MARCHF1: variants seen among roughly 807,000 people sequenced by gnomAD.
The protein encoded by MARCHF1 is E3 ubiquitin-protein ligase MARCHF1.
In MARCHF1, 40 loss-of-function variants were observed where a neutral mutation model predicts 54.2. The ratio of observed to expected loss-of-function variants is 0.74; its 90% CI spans 0.57 to 0.96. The LOEUF is 0.96. MARCHF1 is among the 40% of genes least tolerant of loss of function. MARCHF1 has a pLI of 0.00. For synonymous variants in MARCHF1, 236 were observed against 236.3 expected (o/e 1.00, Z 0.01); for missense variants, 586 against 656.5 (o/e 0.89, Z 1.17).
intron 1 of MARCHF1, among the ~76,000 whole-genome samples, chr4:164,309,306 T>C (rs1022573275): frequency 2.0e-5 from 3 of 151,944 alleles, no homozygotes; most frequent in East Asian, 1.9e-4. Context: ...CTGTGTGTTA[T>C]TGTGGCTTTC....
At chr4:164,042,068 T>A (rs895366221) in intron 2 of MARCHF1, among the ~76,000 whole-genome samples, 1 of 152,168 alleles carries the variant, frequency 6.6e-6, no homozygotes, top group African/African-American at 2.4e-5. Flanking sequence ...CCAACAATAT[T>A]CGATTTACTT....
chr4:163,913,795 A>G (rs1160429114), intron 3 of MARCHF1, among the ~76,000 whole-genome samples: 1 of 152,044 alleles, frequency 6.6e-6, no homozygotes, highest in Non-Finnish European at 1.5e-5. Flanking sequence ...ACTGTCACCA[A>G]TTGTAACTGC....
chr4:164,322,902 T>C (rs571760445), intron 1 of MARCHF1, among the ~76,000 whole-genome samples: 1 of 151,936 alleles, frequency 6.6e-6, no homozygotes, highest in African/African-American at 2.4e-5. Context: ...AACTTGAAGA[T>C]ACCTAAATAT....
intron 3 of MARCHF1, among the ~76,000 whole-genome samples, chr4:163,956,557 C>G (rs1023119894): frequency 6.6e-6 from 1 of 151,868 alleles, no homozygotes; most frequent in African/African-American, 2.4e-5. Context: ...AAAGATGATA[C>G]CAGGTGGAAC....
At chr4:163,804,609 T>C (rs1483786511) in intron 4 of MARCHF1, among the ~76,000 whole-genome samples, 2 of 152,180 alleles carry the variant, frequency 1.3e-5, no homozygotes, top group African/African-American at 4.8e-5. Context: ...GTTTGTCACC[T>C]CTTGTGAGAA....
At chr4:164,023,407 C>G (rs909619068) in intron 2 of MARCHF1, among the ~76,000 whole-genome samples, 2 of 152,178 alleles carry the variant, frequency 1.3e-5, no homozygotes, top group African/African-American at 4.8e-5. Context: ...AAGACCCCCT[C>G]TGCTGGCCAT....
chr4:164,346,525 C>T (rs1356981865), intron 1 of MARCHF1, among the ~76,000 whole-genome samples: 1 of 150,782 alleles, frequency 6.6e-6, no homozygotes, highest in Non-Finnish European at 1.5e-5. Context: ...CATCTTTTGC[C>T]TCTTGGTATC....
intron 3 of MARCHF1, among the ~76,000 whole-genome samples, chr4:163,941,307 G>C (rs952153833): frequency 1.3e-5 from 2 of 152,060 alleles, no homozygotes; most frequent in African/African-American, 2.4e-5. Flanking sequence ...GAAGGTGTTA[G>C]GATTGAGCTA....
chr4:164,234,597 T>C (rs113419922), intron 1 of MARCHF1, among the ~76,000 whole-genome samples: 5 of 152,208 alleles, frequency 3.3e-5, no homozygotes, highest in African/African-American at 7.2e-5. Flanking sequence ...GAAAGATAAA[T>C]GGGATGAAAT....
chr4:163,651,842 T>A (rs1314434904), intron 5 of MARCHF1, among the ~76,000 whole-genome samples: 1 of 151,484 alleles, frequency 6.6e-6, no homozygotes, highest in Non-Finnish European at 1.5e-5. Context: ...TTTTGGACCA[T>A]GTGAGATCAG....
chr4:164,235,762 T>TTA (rs1553994322), intron 1 of MARCHF1, among the ~76,000 whole-genome samples: 1 of 151,514 alleles, frequency 6.6e-6, no homozygotes, highest in Non-Finnish European at 1.5e-5. Flanking sequence ...GCCCTGGGGA[T>TTA]AAAAAAAACC....
At chr4:163,796,244 T>TG (rs1747912947) in intron 4 of MARCHF1, among the ~76,000 whole-genome samples, 1 of 113,004 alleles carries the variant, frequency 8.8e-6, no homozygotes. Context: ...TTTTTTTTTT[T>TG]GAGACAGAGC....
intron 2 of MARCHF1, among the ~76,000 whole-genome samples, chr4:164,069,440 G>A (rs970067805): frequency 1.3e-5 from 2 of 152,156 alleles, no homozygotes; most frequent in African/African-American, 2.4e-5. Flanking sequence ...GCCTTTATGA[G>A]ATGTAACACT....
chr4:164,041,628 T>G (rs1754131111), intron 2 of MARCHF1, among the ~76,000 whole-genome samples: 1 of 152,208 alleles, frequency 6.6e-6, no homozygotes, highest in South Asian at 2.1e-4. Context: ...TTAGCTAGAG[T>G]TGTAGTCCTT....
chr4:164,151,089 A>G (rs1729923253), intron 1 of MARCHF1, among the ~76,000 whole-genome samples: 1 of 152,238 alleles, frequency 6.6e-6, no homozygotes, highest in Non-Finnish European at 1.5e-5. Context: ...GAGCCTCCAG[A>G]AAGAACATGA....
At chr4:164,053,410 A>T (rs558674835) in intron 2 of MARCHF1, among the ~76,000 whole-genome samples, 1 of 152,312 alleles carries the variant, frequency 6.6e-6, no homozygotes, top group East Asian at 1.9e-4. Context: ...TGCCATGTTT[A>T]AACATAGAAA....
chr4:163,959,043 G>A (rs1051527278), intron 3 of MARCHF1, among the ~76,000 whole-genome samples: 2 of 151,836 alleles, frequency 1.3e-5, no homozygotes, highest in Non-Finnish European at 2.9e-5. Flanking sequence ...ATGCCAGCTA[G>A]AGACCCCAGA....
intron 4 of MARCHF1, among the ~76,000 whole-genome samples, chr4:163,843,583 T>G (rs1488478957): frequency 6.6e-6 from 1 of 151,976 alleles, no homozygotes; most frequent in East Asian, 1.9e-4. Context: ...GATGCGCAGG[T>G]TTGTTACATA....
chr4:163,986,427 G>C (rs1324261344), intron 3 of MARCHF1, among the ~76,000 whole-genome samples: 1 of 151,270 alleles, frequency 6.6e-6, no homozygotes. Context: ...ACCACACCCG[G>C]CTAATTTTCT....
Sources: allele counts gnomAD v4.1 joint callset (sites outside exome capture counted in the v4.1 genomes callset), GRCh38; gene constraint gnomAD v4.1.1; transcripts MANE v1.5; gene names NCBI Gene and HGNC (gene_info 2026-07-23, HGNC 2026-07-21).